Variants in XKR9 observed in about 807,000 individuals in gnomAD.
XKR9 encodes the protein XK-related protein 9.
Under a neutral mutation model 32.0 loss-of-function variants are expected in XKR9, and 32 were observed. The ratio of observed to expected loss-of-function variants is 1.00; its 90% CI spans 0.76 to 1.34. The LOEUF is 1.34. Among genes scored for constraint, XKR9 ranks in the 40% most tolerant of loss-of-function variants. The pLI is 0.00. For missense variants in XKR9, 546 were observed against 429.7 expected (o/e 1.27, Z -2.39); for synonymous variants, 168 against 143.4 (o/e 1.17, Z -1.22).
the XKR9 span, among the ~76,000 whole-genome samples, chr8:71,037,026 T>G: frequency 6.6e-6 from 1 of 152,086 alleles, no homozygotes; most frequent in Non-Finnish European, 1.5e-5. Flanking sequence ...ACACCTTTCT[T>G]TATACACTAG....
chr8:71,022,172 T>C, the XKR9 span, among the ~76,000 whole-genome samples: 1,010 of 152,300 alleles, frequency 6.6e-3, 10 homozygotes, highest in African/African-American at 0.023. Context: ...TTGGGTTTTG[T>C]ATTCTGTTTC....
chr8:70,887,260 C>T, the XKR9 span, among the ~76,000 whole-genome samples: 5 of 152,258 alleles, frequency 3.3e-5, no homozygotes, highest in East Asian at 3.9e-4. Context: ...TCTGAGGCCT[C>T]TGTTCTGTTC....
intron 2 of XKR9, among the ~76,000 whole-genome samples, chr8:70,680,092 A>G (rs752055853): frequency 1.3e-5 from 2 of 151,982 alleles, no homozygotes; most frequent in Non-Finnish European, 2.9e-5. Context: ...TCCTCTCTCC[A>G]TGTATAATTA....
intron 3 of XKR9, among the ~76,000 whole-genome samples, chr8:70,694,259 A>C (rs1340719069): frequency 6.6e-6 from 1 of 152,216 alleles, no homozygotes; most frequent in Non-Finnish European, 1.5e-5. Context: ...CACTTAAAAC[A>C]GTCTGGCCAC....
intron 4 of XKR9, among the ~76,000 whole-genome samples, chr8:70,727,816 A>G (rs553936175): frequency 2.0e-5 from 3 of 151,858 alleles, no homozygotes; most frequent in African/African-American, 7.2e-5. Context: ...CTTGTACTGA[A>G]TCAGTTCTTG....
chr8:71,012,971 A>G, the XKR9 span, among the ~76,000 whole-genome samples: 3 of 152,146 alleles, frequency 2.0e-5, no homozygotes, highest in Non-Finnish European at 4.4e-5. Flanking sequence ...CCTTCATAAC[A>G]CAAGCCAGTT....
chr8:70,685,813 A>G (rs1325385572), intron 3 of XKR9, among the ~76,000 whole-genome samples: 1 of 151,482 alleles, frequency 6.6e-6, no homozygotes, highest in East Asian at 1.9e-4. Context: ...GCAGCACACC[A>G]GCATGGCACA....
At chr8:71,019,222 G>A in the XKR9 span, among the ~76,000 whole-genome samples, 3 of 152,098 alleles carry the variant, frequency 2.0e-5, no homozygotes, top group African/African-American at 7.2e-5. Context: ...GAAAGATTTG[G>A]TTGGTTAAGA....
chr8:70,875,950 C>A, the XKR9 span, among the ~76,000 whole-genome samples: 4 of 152,014 alleles, frequency 2.6e-5, no homozygotes, highest in Admixed American at 6.5e-5. Context: ...GAAAAAAAAA[C>A]TCAGACTCCA....
the XKR9 span, among the ~76,000 whole-genome samples, chr8:71,034,101 G>C: frequency 6.6e-6 from 1 of 152,128 alleles, no homozygotes; most frequent in African/African-American, 2.4e-5. Context: ...CTGAGGCTAG[G>C]TCATAAAGTG....
At chr8:71,034,962 A>C in the XKR9 span, among the ~76,000 whole-genome samples, 1 of 152,214 alleles carries the variant, frequency 6.6e-6, no homozygotes, top group East Asian at 1.9e-4. Context: ...AGCACATAGC[A>C]GTTCTCAACT....
chr8:70,689,550 A>T (rs1819439407), intron 3 of XKR9, among the ~76,000 whole-genome samples: 1 of 150,582 alleles, frequency 6.6e-6, no homozygotes, highest in South Asian at 2.1e-4. Context: ...GAAATTTATC[A>T]TACTTGCATA....
chr8:70,712,472 G>C (rs560712770), intron 4 of XKR9, among the ~76,000 whole-genome samples: 5 of 152,088 alleles, frequency 3.3e-5, no homozygotes, highest in Admixed American at 3.3e-4. Context: ...ACAAAACTCA[G>C]GGTCCTCACA....
chr8:70,794,198 G>C (rs1184042955), downstream of XKR9, among the ~76,000 whole-genome samples: 1 of 151,868 alleles, frequency 6.6e-6, no homozygotes, highest in East Asian at 1.9e-4. Context: ...TTTGCATACT[G>C]GCCTTGTATT....
the XKR9 span, among the ~76,000 whole-genome samples, chr8:70,936,654 G>A: frequency 2.0e-5 from 3 of 151,874 alleles, no homozygotes; most frequent in Admixed American, 6.6e-5. Context: ...TGTCTGTCCC[G>A]TTAATTGAGC....
intron 4 of XKR9, among the ~76,000 whole-genome samples, chr8:70,722,608 A>G (rs1355578812): frequency 6.6e-6 from 1 of 152,176 alleles, no homozygotes; most frequent in Non-Finnish European, 1.5e-5. Flanking sequence ...TTTATTTAAA[A>G]TGTTGAATAT....
the XKR9 span, among the ~76,000 whole-genome samples, chr8:70,821,328 G>T: frequency 6.6e-6 from 1 of 152,206 alleles, no homozygotes; most frequent in East Asian, 1.9e-4. Context: ...GGCTTTGCAG[G>T]GTACAGCCCC....
the XKR9 span, among the ~76,000 whole-genome samples, chr8:70,863,311 T>C: frequency 1.2e-4 from 18 of 152,198 alleles, no homozygotes; most frequent in Non-Finnish European, 2.4e-4. Context: ...ATAGGTATGC[T>C]ATTCACAAGA....
At chr8:70,867,906 T>A in the XKR9 span, among the ~76,000 whole-genome samples, 2 of 152,048 alleles carry the variant, frequency 1.3e-5, no homozygotes, top group Non-Finnish European at 2.9e-5. Flanking sequence ...AGGCATTGGG[T>A]AAATATAGTC....
Sources: gnomAD v4.1 joint callset for allele counts (sites outside exome capture counted in the v4.1 genomes callset) on GRCh38, gnomAD v4.1.1 for gene constraint, MANE v1.5 for transcripts, NCBI Gene and HGNC (gene_info 2026-07-23, HGNC 2026-07-21) for gene names.